Variants in HOXB3 observed in about 807,000 individuals in gnomAD.
The protein encoded by HOXB3 is homeobox B3, also known as homeobox protein Hox-B3.
A neutral mutation model predicts 29.2 loss-of-function variants in HOXB3; 17 were observed. The observed-to-expected ratio is 0.58, with a 90% CI of 0.40 to 0.87. HOXB3 has a LOEUF of 0.87. Among genes scored for constraint, HOXB3 ranks in the 40% least tolerant of loss-of-function variants. The pLI is 0.00. For missense variants in HOXB3, 637 were observed against 616.3 expected, an observed-to-expected ratio of 1.03 and a Z score of -0.35; for synonymous variants, 317 against 285.9, an observed-to-expected ratio of 1.11 and a Z score of -1.10.
chr17:48,555,363 AGG>A (rs779549709), intron 3 of HOXB3, 166 bp downstream of exon 3: 260,910 of 495,062 alleles, frequency 0.53, 55,555 homozygotes, highest in Non-Finnish European at 0.57. Flanking sequence ...AGAGAGAGAG[AGG>A]GAGGGAGGGA....
At position 48,555,595 on chromosome 17, in the gene HOXB3, G is replaced by T. The variant is rs1478037687; in HGVS notation, c.-223C>A. On this transcript the variant is annotated 5_prime_UTR_variant, in exon 3 of 5. Coordinates refer to ENST00000498678, the MANE Select transcript of HOXB3 (RefSeq NM_001384749.1). ...ATATTCACATCGAGCCCCAGAGCGA[G>T]CGGCAGGCGACAAATCTCCCCTCCT... 1 of 702,658 alleles carries T rather than the reference G, an allele frequency of 1.4e-6. No individual in the cohort carries two copies. The highest frequency in any genetic ancestry group is 1.7e-5 in the African/African-American group (1 of 57,234). The allele number at this position is 702,658 out of a possible 1,614,324, so 43.5% of individuals were successfully genotyped here.
rs1174387776 is a variant in HOXB3 at position 48,550,623 on chromosome 17, G to T, written c.1007C>A (p.Ala336Asp). 2.6e-6 allele frequency: 4 copies of T among 1,522,314 alleles called. No homozygotes were observed. The highest frequency in any genetic ancestry group is 2.6e-5 in the South Asian group (2 of 76,326). 94.3% of individuals were successfully genotyped at this position (1,522,314 alleles called of 1,614,324 possible). Reference protein sequence around the residue: ...APEYEPHVLQANGGAYGTPTM... With the variant: ...APEYEPHVLQDNGGAYGTPTM... Reference sequence around the variant, plus strand: ...GGGCGTCCCGTAGGCGCCCCCGTTGGCTTGGAGGACGTGCGGCTCATACTC... The same window carrying T: ...GGGCGTCCCGTAGGCGCCCCCGTTGTCTTGGAGGACGTGCGGCTCATACTC... The change falls in exon 5 of 5, where the codon GCC becomes GAC. Residue 336 changes from alanine (A) to aspartate (D), a missense_variant. Coordinates refer to ENST00000498678, the MANE Select transcript of HOXB3 (RefSeq NM_001384749.1).
chr17:48,568,812 G>T (rs1468326017), intron 2 of HOXB3, among the ~76,000 whole-genome samples: 1 of 152,194 alleles, frequency 6.6e-6, no homozygotes, highest in Non-Finnish European at 1.5e-5. Flanking sequence ...TCTATGCAAT[G>T]CCTCAATGGG....
chr17:48,585,720 AAAG>A (rs1189816504), intron 1 of HOXB3, among the ~76,000 whole-genome samples: 1 of 152,158 alleles, frequency 6.6e-6, no homozygotes, highest in African/African-American at 2.4e-5. Flanking sequence ...AGAAAACAGA[AAAG>A]AAAACGAATT....
At chr17:48,587,522 T>G (rs2070070319) in intron 1 of HOXB3, among the ~76,000 whole-genome samples, 1 of 152,214 alleles carries the variant, frequency 6.6e-6, no homozygotes, top group East Asian at 1.9e-4. Context: ...GCTGAGCTTC[T>G]GTCTTCTCCA....
intron 2 of HOXB3, among the ~76,000 whole-genome samples, chr17:48,564,429 G>GCC (rs893628574): frequency 1.7e-5 from 2 of 119,550 alleles, no homozygotes; most frequent in African/African-American, 6.1e-5. Flanking sequence ...CCCCCACCCC[G>GCC]CCCCCGCCCC....
rs1423934437 is a variant in HOXB3, at chr17:48,577,743, C to T, written c.-424-3729G>A. The T allele has an allele frequency of 1.1e-5, 10 of 890,786 alleles. No homozygotes were observed. The East Asian group carries it at 1.7e-4, about 15-fold the overall frequency. The allele number at this position is 890,786 out of a possible 1,614,324, so 55.2% of individuals were successfully genotyped here. ...GGCGACCGTAAATCTCCGGCAATGG[C>T]GAGTTTATAGCGGGGACAATTGGCT... On this transcript the variant is annotated intron_variant, in intron 1 of 4. Coordinates refer to ENST00000498678, the MANE Select transcript of HOXB3 (RefSeq NM_001384749.1).
In HOXB3 at chr17:48,590,105, G is replaced by C. The variant is rs145685817; in HGVS notation, c.-425+20C>G. On this transcript the variant is annotated intron_variant, in intron 1 of 4. Coordinates refer to ENST00000498678, the MANE Select transcript of HOXB3 (RefSeq NM_001384749.1). The stretch of plus-strand genomic sequence containing the variant: ...CCCCAGAATTGCAAGGGGTAAAAGC[G>C]AAAGCTGAAAGCGACTTACTGCGGG... 1 of 152,220 alleles carries C rather than the reference G, an allele frequency of 6.6e-6. No individual in the cohort carries two copies. Among genetic ancestry groups the C allele is most frequent in the African/African-American group, 2.4e-5 (1 of 41,452 alleles). The allele number at this position is 152,220 out of a possible 1,614,324, so 9.4% of individuals were successfully genotyped here.
rs1474850989 is a variant in HOXB3 at position 48,554,590 on chromosome 17, C to T, written c.-159+941G>A. Reference sequence around the variant, plus strand: ...CTGCTGCCAGGCTGCCTCAGCCGGTCGCTGCTGCCGCGGCGACTGGCGACA... The same window carrying T: ...CTGCTGCCAGGCTGCCTCAGCCGGTTGCTGCTGCCGCGGCGACTGGCGACA... On this transcript the variant is annotated intron_variant, in intron 3 of 4. Transcript: ENST00000498678. The surrounding 1 kb of genome is among the most constrained non-coding windows in gnomAD (Gnocchi z 4.1). 1 of 699,338 alleles carries T rather than the reference C, an allele frequency of 1.4e-6. No individual in the cohort carries two copies. Among genetic ancestry groups the T allele is most frequent in the Admixed American group, 2.0e-5 (1 of 49,942 alleles). 43.3% of individuals were successfully genotyped at this position (699,338 alleles called of 1,614,324 possible). A position where few individuals can be genotyped will look rare whatever the true frequency, so the allele number is the denominator to read the frequency against.
intron 2 of HOXB3, among the ~76,000 whole-genome samples, chr17:48,562,030 A>G (rs756439894): frequency 7.9e-5 from 12 of 152,110 alleles, no homozygotes; most frequent in Non-Finnish European, 1.3e-4. Flanking sequence ...AATGCTTACC[A>G]CCACTGAGCA....
rs2068670896 is a variant in HOXB3, at chr17:48,550,391, G to A, written c.1239C>T (p.His413=). 2 of 1,614,120 alleles carry A rather than the reference G, an allele frequency of 1.2e-6. No homozygotes were observed. The highest frequency in any genetic ancestry group is 1.7e-6 in the Non-Finnish European group (2 of 1,180,024). The part of the protein sequence containing the change: ...PHPTYTDLSS[H]HAPPPQGRIQ... Reference sequence around the variant, plus strand: ...TTCTACCCTGAGGAGGAGGCGCGTGGTGAGAGGAGAGGTCTGTGTAGGTGG... The same window carrying A: ...TTCTACCCTGAGGAGGAGGCGCGTGATGAGAGGAGAGGTCTGTGTAGGTGG... The change falls in exon 5 of 5, where the codon CAC becomes CAT. Residue 413 remains histidine (H), a synonymous_variant. Coordinates refer to ENST00000498678, the MANE Select transcript of HOXB3 (RefSeq NM_001384749.1).
intron 1 of HOXB3, chr17:48,579,459 G>A (rs1485264731): frequency 6.6e-6 from 1 of 152,614 alleles, no homozygotes; most frequent in African/African-American, 2.4e-5. Flanking sequence ...ACGGAAAGGC[G>A]GCCTCAGCAT....
intron 1 of HOXB3, chr17:48,577,905 G>A: frequency 7.3e-7 from 1 of 1,377,780 alleles, no homozygotes; most frequent in Non-Finnish European, 9.4e-7. Flanking sequence ...TAGACGACGG[G>A]CTCTTTGCAC....
At position 48,550,436 on chromosome 17, in the gene HOXB3, G is replaced by C. The variant is rs779773513; in HGVS notation, c.1194C>G (p.His398Gln). 7 of 1,613,870 alleles carry C rather than the reference G, an allele frequency of 4.3e-6. No homozygotes were observed. The Admixed American group carries it at 1.0e-4, about 23-fold the overall frequency. Reference sequence around the variant, plus strand: ...AGGTGGGGTGGGGTTCGCAGGGTCCGTGGTGCTGGCTGGGCGCCATAGGGG... The same window carrying C: ...AGGTGGGGTGGGGTTCGCAGGGTCCCTGGTGCTGGCTGGGCGCCATAGGGG... Reference protein sequence around the residue: ...GAPPMAPSQHHGPCEPHPTYT... With the variant: ...GAPPMAPSQHQGPCEPHPTYT... The change falls in exon 5 of 5, where the codon CAC becomes CAG. Residue 398 changes from histidine (H) to glutamine (Q), a missense_variant. Physicochemically the swap from His to Gln is conservative, Grantham distance 24. Coordinates refer to ENST00000498678, the MANE Select transcript of HOXB3 (RefSeq NM_001384749.1).
At chr17:48,582,389 C>T (rs1567965966) in intron 1 of HOXB3, 1 of 152,120 alleles carries the variant, frequency 6.6e-6, no homozygotes, top group Non-Finnish European at 1.5e-5. Context: ...TCCGGAAAAC[C>T]GGACCGCGGC....
intron 2 of HOXB3, chr17:48,556,570 A>T (rs1025355011): frequency 6.6e-6 from 1 of 151,812 alleles, no homozygotes; most frequent in South Asian, 2.1e-4. Flanking sequence ...AAAAAAAAAA[A>T]AACACCCCTC....
Position 48,550,667 on chromosome 17 carries a change from G to T in HOXB3, c.963C>A (p.Tyr321Ter). 6.5e-7 allele frequency: 1 copy of T among 1,528,254 alleles called. No individual in the cohort carries two copies. Among genetic ancestry groups the T allele is most frequent in the Non-Finnish European group, 8.8e-7 (1 of 1,140,112 alleles). 94.7% of individuals were successfully genotyped at this position (1,528,254 alleles called of 1,614,324 possible). ...CATACTCGGGCGCCGGGGTCGGAGG[G>T]TACTTCTGCGGGGCGCCGCAGCCTT... ...PLKGCGAPQK[Y>*]PPTPAPEYEP... The change falls in exon 5 of 5, where the codon TAC becomes TAA. Residue 321 changes from tyrosine to a stop codon, truncating the protein, a stop_gained. Coordinates refer to ENST00000498678, the MANE Select transcript of HOXB3 (RefSeq NM_001384749.1). LOFTEE classifies it high-confidence loss of function.
intron 3 of HOXB3, chr17:48,555,286 G>GA (rs1331333717): frequency 1.8e-6 from 1 of 546,706 alleles, no homozygotes; most frequent in African/African-American, 2.0e-5. Flanking sequence ...AGAAAAGAGA[G>GA]AGAGGAGAAA....
intron 4 of HOXB3, 159 bp from the exon 5 acceptor site, chr17:48,551,340 C>T (rs1469497583): frequency 2.6e-5 from 22 of 834,778 alleles, no homozygotes; most frequent in Middle Eastern, 4.7e-4. Flanking sequence ...CTCACTCCCC[C>T]ACCCCACCGC....
Sources: allele counts gnomAD v4.1 joint callset (sites outside exome capture counted in the v4.1 genomes callset), GRCh38; gene constraint gnomAD v4.1.1; non-coding constraint Gnocchi (gnomAD v3.1); transcripts MANE v1.5; gene names NCBI Gene and HGNC (gene_info 2026-07-23, HGNC 2026-07-21).